Variants in SRD5A2 observed in about 807,000 individuals in gnomAD.
SRD5A2 encodes steroid 5 alpha-reductase 2, also known as 3-oxo-5-alpha-steroid 4-dehydrogenase 2.
In SRD5A2, 30 loss-of-function variants were observed where a neutral mutation model predicts 27.4. The observed-to-expected ratio is 1.10, with a 90% confidence interval of 0.82 to 1.49. The LOEUF is 1.49. Among genes scored for constraint, SRD5A2 ranks in the 40% most tolerant of loss-of-function variants. SRD5A2 has a pLI of 0.00. For synonymous variants in SRD5A2, 141 were observed against 133.6 expected, an observed-to-expected ratio of 1.06 and a Z score of -0.38; for missense variants, 348 against 323.4, an observed-to-expected ratio of 1.08 and a Z score of -0.58.
chr2:31,643,185 G>C, the SRD5A2 span, among the ~76,000 whole-genome samples: 1 of 152,034 alleles, frequency 6.6e-6, no homozygotes, highest in Non-Finnish European at 1.5e-5. Flanking sequence ...TTTACCTCAA[G>C]GAAATTGGCA....
chr2:31,646,285 A>T, the SRD5A2 span, among the ~76,000 whole-genome samples: 1 of 152,164 alleles, frequency 6.6e-6, no homozygotes, highest in Non-Finnish European at 1.5e-5. Context: ...GAAACTCATC[A>T]TTAATTATTA....
At chr2:31,626,817 A>T in the SRD5A2 span, among the ~76,000 whole-genome samples, 1 of 150,396 alleles carries the variant, frequency 6.6e-6, no homozygotes, top group African/African-American at 2.4e-5. Context: ...CTAAAATTCT[A>T]TTTTTTTTTG....
At chr2:31,643,659 C>T in the SRD5A2 span, among the ~76,000 whole-genome samples, 1 of 151,980 alleles carries the variant, frequency 6.6e-6, no homozygotes, top group African/African-American at 2.4e-5. Flanking sequence ...ATAATGAACA[C>T]AGAACATCTT....
At chr2:31,571,032 C>A (rs1376466632) in intron 1 of SRD5A2, among the ~76,000 whole-genome samples, 1 of 152,064 alleles carries the variant, frequency 6.6e-6, no homozygotes, top group Non-Finnish European at 1.5e-5. Context: ...TTTTAAAATT[C>A]ATATGGAATC....
chr2:31,596,814 G>T, the SRD5A2 span, among the ~76,000 whole-genome samples: 8 of 152,064 alleles, frequency 5.3e-5, no homozygotes, highest in African/African-American at 1.9e-4. Flanking sequence ...TACAAGGAAA[G>T]CTATGAAATA....
the SRD5A2 span, among the ~76,000 whole-genome samples, chr2:31,611,016 G>A: frequency 6.6e-6 from 1 of 152,084 alleles, no homozygotes. Flanking sequence ...GGTTGAGGCA[G>A]GAGAATCACT....
chr2:31,564,807 G>A (rs1398638873), intron 1 of SRD5A2, among the ~76,000 whole-genome samples: 3 of 151,718 alleles, frequency 2.0e-5, no homozygotes, highest in Non-Finnish European at 3.0e-5. Context: ...TTCTATCTTC[G>A]AAAACAAGAA....
At chr2:31,640,057 A>G in the SRD5A2 span, among the ~76,000 whole-genome samples, 1 of 151,428 alleles carries the variant, frequency 6.6e-6, no homozygotes, top group South Asian at 2.1e-4. Context: ...TTTTTCTTCT[A>G]TGACTGTGTA....
In SRD5A2 at chr2:31,526,103, ACG is replaced by A. The variant is rs10529926; in HGVS notation, c.*91_*92del. 8.7e-4 allele frequency: 707 copies of A among 811,398 alleles called. 3 individuals carry two copies. The highest frequency in any genetic ancestry group is 1.7e-3 in the South Asian group (103 of 59,352). The allele number at this position is 811,398 out of a possible 1,614,324, so 50.3% of individuals were successfully genotyped here. On this transcript the variant is annotated 3_prime_UTR_variant, in exon 5 of 5. Coordinates refer to ENST00000622030, the MANE Select transcript of SRD5A2 (RefSeq NM_000348.4). Reference sequence around the variant, plus strand: ...CCAGGAGACCTACTATTACATATATACGGGACTATTATATCATGAAAATTACA... The same window carrying A: ...CCAGGAGACCTACTATTACATATATAGGACTATTATATCATGAAAATTACA...
At chr2:31,614,072 G>A in the SRD5A2 span, among the ~76,000 whole-genome samples, 64 of 152,188 alleles carry the variant, frequency 4.2e-4, no homozygotes, top group African/African-American at 1.3e-3. Context: ...CTCAGGTTTT[G>A]AAACTAATAA....
the SRD5A2 span, among the ~76,000 whole-genome samples, chr2:31,586,929 C>A: frequency 6.6e-6 from 1 of 152,160 alleles, no homozygotes; most frequent in Non-Finnish European, 1.5e-5. Context: ...TAGGACCATT[C>A]AGACAGAGAA....
the SRD5A2 span, among the ~76,000 whole-genome samples, chr2:31,600,286 T>C: frequency 2.6e-5 from 4 of 152,040 alleles, no homozygotes; most frequent in South Asian, 4.1e-4. Flanking sequence ...ACTGCTGCAA[T>C]AAACACATGA....
At chr2:31,644,666 T>C in the SRD5A2 span, among the ~76,000 whole-genome samples, 133 of 152,270 alleles carry the variant, frequency 8.7e-4, no homozygotes, top group African/African-American at 3.1e-3. Context: ...CCCGTACCAG[T>C]CCACAGCCTG....
intron 1 of SRD5A2, among the ~76,000 whole-genome samples, chr2:31,536,772 T>C (rs1016214657): frequency 6.6e-6 from 1 of 152,186 alleles, no homozygotes; most frequent in African/African-American, 2.4e-5. Flanking sequence ...GGCTGGCAAT[T>C]GGTGCTGTAG....
At chr2:31,589,659 C>A in the SRD5A2 span, among the ~76,000 whole-genome samples, 2 of 152,254 alleles carry the variant, frequency 1.3e-5, no homozygotes, top group South Asian at 4.1e-4. Context: ...GCCAGTAGAA[C>A]TGGGGAGGGG....
At chr2:31,642,014 T>G in the SRD5A2 span, among the ~76,000 whole-genome samples, 1 of 151,824 alleles carries the variant, frequency 6.6e-6, no homozygotes, top group Non-Finnish European at 1.5e-5. Flanking sequence ...TAAAAAGATA[T>G]CACAATAAAG....
At chr2:31,652,990 T>C in the SRD5A2 span, among the ~76,000 whole-genome samples, 1 of 152,200 alleles carries the variant, frequency 6.6e-6, no homozygotes, top group Non-Finnish European at 1.5e-5. Context: ...TTCCTGTTTA[T>C]TCCCTGATTC....
chr2:31,632,503 C>G, the SRD5A2 span, among the ~76,000 whole-genome samples: 14 of 152,332 alleles, frequency 9.2e-5, no homozygotes, highest in Non-Finnish European at 1.6e-4. Context: ...AGCAGCAGGA[C>G]TGAGGGTGCC....
At chr2:31,613,080 G>C in the SRD5A2 span, among the ~76,000 whole-genome samples, 1 of 152,098 alleles carries the variant, frequency 6.6e-6, no homozygotes, top group Non-Finnish European at 1.5e-5. Flanking sequence ...GAAAACAGAA[G>C]GGTAAAACTT....
Sources: gnomAD v4.1 joint callset for allele counts (sites outside exome capture counted in the v4.1 genomes callset) on GRCh38, gnomAD v4.1.1 for gene constraint, MANE v1.5 for transcripts, NCBI Gene and HGNC (gene_info 2026-07-23, HGNC 2026-07-21) for gene names.